Variants in CREB5 observed in about 807,000 individuals in gnomAD.
CREB5 encodes cAMP responsive element binding protein 5.
In CREB5, 19 loss-of-function variants were observed where a neutral mutation model predicts 57.1. That is an observed-to-expected ratio of 0.33 (90% CI 0.23 to 0.49). The LOEUF is 0.49. Among genes scored for constraint, CREB5 ranks in the 20% least tolerant of loss-of-function variants. CREB5 has a pLI of 0.99. For synonymous variants in CREB5, 238 were observed against 238.3 expected (o/e 1.00, Z 0.01); for missense variants, 579 against 671.6 (o/e 0.86, Z 1.52).
At chr7:28,729,666 C>T (rs571491078) in intron 7 of CREB5, among the ~76,000 whole-genome samples, 2 of 152,156 alleles carry the variant, frequency 1.3e-5, no homozygotes, top group African/African-American at 4.8e-5. Flanking sequence ...TGCAGTTCTT[C>T]GATTTGCCTA....
At chr7:28,549,112 T>C (rs1056159278) in intron 4 of CREB5, among the ~76,000 whole-genome samples, 14 of 152,212 alleles carry the variant, frequency 9.2e-5, no homozygotes, top group African/African-American at 3.4e-4. Flanking sequence ...AGAATCGAAT[T>C]GGACACCACC....
At position 28,724,321 on chromosome 7, in the gene CREB5, G is replaced by C; in HGVS notation, c.691G>C (p.Glu231Gln). ...ASPQVQPMHS[E>Q]AKMRLKAALT... ...TCCCCAGGTCCAGCCAATGCATTCA[G>C]AAGCCAAAATGGTAAGTAACAGTTA... Residue 231 changes from glutamate (E) to glutamine (Q), a missense_variant, in exon 7 of 11, where the codon GAA (glutamate) becomes CAA (glutamine). Around this residue, in one of 3 missense-constraint regions of CREB5, gnomAD observed 459 missense variants for 515.7 expected, o/e 0.89. Coordinates refer to ENST00000357727, the MANE Select transcript of CREB5 (RefSeq NM_182898.4). 1 of 1,613,372 alleles carries C rather than the reference G, an allele frequency of 6.2e-7. No homozygotes were observed. Among genetic ancestry groups the C allele is most frequent in the East Asian group, 2.2e-5 (1 of 44,876 alleles).
chr7:28,648,019 C>A (rs529754306), intron 5 of CREB5, among the ~76,000 whole-genome samples: 54 of 152,312 alleles, frequency 3.5e-4, no homozygotes, highest in African/African-American at 1.3e-3. Flanking sequence ...TTGGACACAG[C>A]AGATCTAGAT....
intron 5 of CREB5, among the ~76,000 whole-genome samples, chr7:28,594,757 A>G (rs1409994535): frequency 6.6e-6 from 1 of 152,224 alleles, no homozygotes; most frequent in Non-Finnish European, 1.5e-5. Context: ...TAGACTCTGT[A>G]GTAGCATCTG....
At chr7:28,560,869 CGT>C (rs1554344338) in intron 4 of CREB5, among the ~76,000 whole-genome samples, 363 of 28,602 alleles carry the variant, frequency 0.013, 55 homozygotes, top group East Asian at 0.019. Flanking sequence ...CGTGTGCCTG[CGT>C]GCGCGTGCGT....
intron 1 of CREB5, among the ~76,000 whole-genome samples, chr7:28,337,109 C>T (rs1386126104): frequency 6.6e-6 from 1 of 151,906 alleles, no homozygotes; most frequent in East Asian, 1.9e-4. Context: ...GTTTTGTGGC[C>T]TAACATATGG....
chr7:28,376,055 A>G (rs1786816516), intron 1 of CREB5, among the ~76,000 whole-genome samples: 2 of 152,126 alleles, frequency 1.3e-5, no homozygotes, highest in Admixed American at 1.3e-4. Flanking sequence ...GCTTCTCCCA[A>G]CTGCTGTTGC....
At chr7:28,414,532 C>T (rs1252599749) in intron 1 of CREB5, among the ~76,000 whole-genome samples, 7 of 152,162 alleles carry the variant, frequency 4.6e-5, no homozygotes, top group Admixed American at 2.0e-4. Flanking sequence ...GAAGCACTTT[C>T]AGATATGCTA....
At chr7:28,797,581 G>A (rs2128795620) in intron 7 of CREB5, among the ~76,000 whole-genome samples, 1 of 152,282 alleles carries the variant, frequency 6.6e-6, no homozygotes, top group African/African-American at 2.4e-5. Flanking sequence ...TCAAAGCTGA[G>A]TTACCTTATG....
chr7:28,396,698 C>T (rs745470308), intron 1 of CREB5, among the ~76,000 whole-genome samples: 2 of 152,060 alleles, frequency 1.3e-5, no homozygotes, highest in African/African-American at 4.8e-5. Flanking sequence ...ATTTTAATTG[C>T]AATTTTTAAA....
chr7:28,757,239 A>T lies in CREB5; in HGVS notation c.702+32907A>T, dbSNP rs550108928. Among the ~76,000 whole-genome samples the T allele has an allele frequency of 4.6e-5, 7 of 152,340 alleles. 1 individual carries two copies. The South Asian group carries it at 1.4e-3, about 32-fold the overall frequency. On this transcript the variant is annotated intron_variant, in intron 7 of 10. Coordinates refer to ENST00000357727, the MANE Select transcript of CREB5 (RefSeq NM_182898.4). ...GGAAACTGAAGCACAGAAAGAGTAA[A>T]TGGTTTACCCAAAGTCACACAGTTA...
chr7:28,763,819 T>TTG (rs1264072307), intron 7 of CREB5, among the ~76,000 whole-genome samples: 2 of 151,740 alleles, frequency 1.3e-5, no homozygotes, highest in Non-Finnish European at 2.9e-5. Flanking sequence ...TATTTTTTTT[T>TTG]GAGACAGGGT....
At chr7:28,573,150 C>A (rs552261347) in intron 5 of CREB5, among the ~76,000 whole-genome samples, 8 of 152,140 alleles carry the variant, frequency 5.3e-5, no homozygotes, top group African/African-American at 1.9e-4. Context: ...CATTTGGGGA[C>A]GGTTGACTCT....
Position 28,728,488 on chromosome 7 carries a change from A to T in CREB5, c.702+4156A>T, listed in dbSNP as rs567220563. Among the ~76,000 whole-genome samples, 379 of 152,370 alleles carry T rather than the reference A, an allele frequency of 2.5e-3. 1 individual carries two copies. Among genetic ancestry groups the T allele is most frequent in the Non-Finnish European group, 3.9e-3 (266 of 68,034 alleles). On this transcript the variant is annotated intron_variant, in intron 7 of 10. Coordinates refer to ENST00000357727, the MANE Select transcript of CREB5 (RefSeq NM_182898.4). ...AATGGGAGACAAGGATGGCAAGGAT[A>T]GTTTATACCTCCAAATAACCTGGAA...
intron 4 of CREB5, among the ~76,000 whole-genome samples, chr7:28,520,812 C>T: frequency 6.6e-6 from 1 of 152,358 alleles, no homozygotes; most frequent in South Asian, 2.1e-4. Context: ...ACTGCAGATA[C>T]ATTTTAGAGC....
rs1003348535 is a variant in CREB5, at chr7:28,570,324, T to C, written c.292-41T>C. The C allele has an allele frequency of 1.1e-5, 17 of 1,569,680 alleles. No individual in the cohort carries two copies. The East Asian group carries it at 1.8e-4, about 17-fold the overall frequency. The stretch of plus-strand genomic sequence containing the variant: ...AGAGCTTGAGAGTAGAATAAAAACA[T>C]TGACTCCTCCTGACCTTTCCCCTGT... On this transcript the variant is annotated intron_variant, in intron 4 of 10. Transcript: ENST00000357727.
chr7:28,660,035 A>G (rs1799537338), intron 5 of CREB5, among the ~76,000 whole-genome samples: 1 of 152,212 alleles, frequency 6.6e-6, no homozygotes, highest in Admixed American at 6.5e-5. Flanking sequence ...ATTGAAGAGC[A>G]GCAGTGGCCT....
chr7:28,368,918 C>T (rs1786643679), intron 1 of CREB5, among the ~76,000 whole-genome samples: 1 of 152,094 alleles, frequency 6.6e-6, no homozygotes, highest in African/African-American at 2.4e-5. Flanking sequence ...TGGTAGTGCA[C>T]ACCTGTAGTC....
chr7:28,339,142 G>A (rs1178694389), intron 1 of CREB5, among the ~76,000 whole-genome samples: 3 of 151,998 alleles, frequency 2.0e-5, no homozygotes, highest in Admixed American at 2.0e-4. Flanking sequence ...AAGTTCATTT[G>A]GTGAGGTCAT....
Sources: allele counts gnomAD v4.1 joint callset (sites outside exome capture counted in the v4.1 genomes callset), GRCh38; gene constraint gnomAD v4.1.1; regional missense constraint gnomAD v4.1.1; transcripts MANE v1.5; gene names NCBI Gene and HGNC (gene_info 2026-07-23, HGNC 2026-07-21).